Variants in PMM2 observed in about 807,000 individuals in gnomAD.
PMM2 encodes the protein mannose-6-phosphate isomerase.
Under a neutral mutation model 33.2 loss-of-function variants are expected in PMM2, and 35 were observed. That is an observed-to-expected ratio of 1.06 (90% CI 0.81 to 1.40). The LOEUF (loss-of-function observed/expected upper bound fraction) is 1.40, where lower values mean the gene tolerates loss of function less well. PMM2 is among the 40% of genes most tolerant of loss of function. The probability of loss-of-function intolerance (pLI) is 0.00; values close to 1 mark genes in which losing one functional copy is unlikely to be tolerated. For synonymous variants in PMM2, 153 were observed against 114.7 expected (o/e 1.33, Z -2.13); for missense variants, 386 against 306.0 (o/e 1.26, Z -1.95).
chr16:8,837,527 T>G (rs1175288717), intron 7 of PMM2, among the ~76,000 whole-genome samples: 11 of 136,026 alleles, frequency 8.1e-5, no homozygotes, highest in African/African-American at 1.7e-4. Flanking sequence ...GGAGAAGGGG[T>G]GGGGGGTTCT....
chr16:8,821,126 C>T (rs548811242), intron 7 of PMM2, among the ~76,000 whole-genome samples: 5 of 152,212 alleles, frequency 3.3e-5, no homozygotes, highest in African/African-American at 1.2e-4. Flanking sequence ...GATTTGAGAC[C>T]CAGGTCTTCT....
chr16:8,841,873 G>A (rs1415911033), intron 7 of PMM2, among the ~76,000 whole-genome samples: 1 of 150,122 alleles, frequency 6.7e-6, no homozygotes, highest in Non-Finnish European at 1.5e-5. Context: ...ACAGCTGAAG[G>A]AGCCGGGGAG....
chr16:8,823,483 A>C (rs2060749572), intron 7 of PMM2, among the ~76,000 whole-genome samples: 1 of 152,198 alleles, frequency 6.6e-6, no homozygotes, highest in African/African-American at 2.4e-5. Flanking sequence ...TATTTTTATT[A>C]AAGACAAACC....
At chr16:8,832,237 G>T (rs912491943) in intron 7 of PMM2, 100 of 985,312 alleles carry the variant, frequency 1.0e-4, no homozygotes, top group Non-Finnish European at 1.1e-4. Flanking sequence ...AGAAAGGAAG[G>T]CCTGAGGCAG....
chr16:8,814,944 A>T (rs1238597328), intron 7 of PMM2, among the ~76,000 whole-genome samples: 8 of 152,200 alleles, frequency 5.3e-5, no homozygotes. Context: ...TACACATCTT[A>T]CATAACTGAG....
At chr16:8,842,576 A>G (rs941946172) in intron 7 of PMM2, among the ~76,000 whole-genome samples, 1 of 152,208 alleles carries the variant, frequency 6.6e-6, no homozygotes, top group Admixed American at 6.5e-5. Flanking sequence ...AGCATCTTTA[A>G]GATCAAGTGT....
intron 7 of PMM2, among the ~76,000 whole-genome samples, chr16:8,834,285 G>A (rs934203419): frequency 1.2e-4 from 19 of 152,210 alleles, no homozygotes; most frequent in African/African-American, 3.4e-4. Flanking sequence ...GGACTGTAAG[G>A]GATATGAAGG....
intron 7 of PMM2, among the ~76,000 whole-genome samples, chr16:8,844,101 A>T (rs528760014): frequency 3.9e-5 from 6 of 152,182 alleles, no homozygotes; most frequent in Admixed American, 3.9e-4. Flanking sequence ...AGGATGGAAA[A>T]ATTGAAAGTG....
chr16:8,832,855 G>C, intron 7 of PMM2: 1 of 985,394 alleles, frequency 1.0e-6, no homozygotes, highest in Non-Finnish European at 1.2e-6. Context: ...CACATGGCCT[G>C]TGCCCTCACG....
At chr16:8,831,858 C>T (rs1334032222) in intron 7 of PMM2, among the ~76,000 whole-genome samples, 16 of 152,148 alleles carry the variant, frequency 1.1e-4, no homozygotes, top group Admixed American at 8.5e-4. Flanking sequence ...TGAGCCCTGG[C>T]CTCTCTTTGG....
rs927856625 is a variant in PMM2, at chr16:8,838,277, G to A, written c.640-9447G>A. ...GGGGCAGAAACAAATCACAATGGTG[G>A]AATGTCATCAGCTAAGGCTATTTTT... On this transcript the variant is annotated intron_variant, in intron 7 of 7. Transcript: ENST00000268261. Among the ~76,000 whole-genome samples the A allele has an allele frequency of 2.0e-5, 3 of 152,080 alleles. 1 individual carries two copies. Among genetic ancestry groups the A allele is most frequent in the Non-Finnish European group, 4.4e-5 (3 of 68,008 alleles).
chr16:8,837,429 G>C (rs1328464055), intron 7 of PMM2, among the ~76,000 whole-genome samples: 2 of 151,828 alleles, frequency 1.3e-5, no homozygotes, highest in African/African-American at 4.8e-5. Flanking sequence ...AAGTTCTTAA[G>C]AACACAGGCT....
Position 8,848,070 on chromosome 16 carries a change from C to G in PMM2, c.*245C>G. 3.8e-6 allele frequency: 2 copies of G among 531,876 alleles called. No individual in the cohort carries two copies. The highest frequency in any genetic ancestry group is 3.1e-5 in the Admixed American group (1 of 31,992). 32.9% of individuals were successfully genotyped at this position (531,876 alleles called of 1,614,324 possible). ...CACAAAAGGTCTTCCCCACCCACCC[C>G]CAGCCCCCTAGTCTAATACCCACCC... On this transcript the variant is annotated 3_prime_UTR_variant, in exon 8 of 8. Coordinates refer to ENST00000268261, the MANE Select transcript of PMM2 (RefSeq NM_000303.3).
chr16:8,837,043 A>C (rs2060853353), intron 7 of PMM2, among the ~76,000 whole-genome samples: 1 of 151,882 alleles, frequency 6.6e-6, no homozygotes, highest in African/African-American at 2.4e-5. Flanking sequence ...AAGAATTGGA[A>C]CCTAGCTCAG....
intron 7 of PMM2, 87 bp downstream of exon 7, chr16:8,813,193 A>G: frequency 1.1e-6 from 1 of 880,522 alleles, no homozygotes; most frequent in Non-Finnish European, 2.0e-6. Context: ...TCCTGTACCT[A>G]CACTTTACCC....
In PMM2 at chr16:8,828,025, C is replaced by CTTTTT. The variant is rs71153002; in HGVS notation, c.639+14936_639+14940dup. 1.6e-3 allele frequency among the ~76,000 whole-genome samples: 105 copies of CTTTTT among 66,350 alleles called. 2 individuals are homozygous for CTTTTT. The highest frequency in any genetic ancestry group is 2.1e-3 in the African/African-American group (34 of 16,404). 43.5% of individuals were successfully genotyped at this position (66,350 alleles called of 152,430 possible). A position where few individuals can be genotyped will look rare whatever the true frequency, so the allele number is the denominator to read the frequency against. ...TTAAGCAGATTTTAACTGTAGAACTCTTTTTTTTTTTTTTTTTTTTTACAA... is the reference window on the plus strand; with the variant it reads ...TTAAGCAGATTTTAACTGTAGAACTCTTTTTTTTTTTTTTTTTTTTTTTTTTACAA... On this transcript the variant is annotated intron_variant, in intron 7 of 7. Transcript: ENST00000268261.
chr16:8,806,314 A>G lies in PMM2; in HGVS notation c.256-2A>G, dbSNP rs1057516372. 1.9e-6 allele frequency: 3 copies of G among 1,560,144 alleles called. No homozygotes were observed. Among genetic ancestry groups the G allele is most frequent in the South Asian group, 1.1e-5 (1 of 89,996 alleles). On this transcript the variant is annotated splice_acceptor_variant, in intron 3 of 7. Coordinates refer to ENST00000268261, the MANE Select transcript of PMM2 (RefSeq NM_000303.3). LOFTEE classifies it high-confidence loss of function. ...AGTAACTCAAGTATTTTCTTCATCTAGAATATTCAAAGTCATCTGGGTGAG... is the reference window on the plus strand; with the variant it reads ...AGTAACTCAAGTATTTTCTTCATCTGGAATATTCAAAGTCATCTGGGTGAG...
At chr16:8,806,434 TC>T in intron 4 of PMM2, 27 bp downstream of exon 4, 1 of 1,389,940 alleles carries the variant, frequency 7.2e-7, no homozygotes, top group East Asian at 2.3e-5. Flanking sequence ...CAAAGAGGCG[TC>T]ACAGGAACAT....
At chr16:8,811,041 G>T (rs1430877918) in intron 4 of PMM2, 38 bp from the exon 5 acceptor site, 3 of 1,231,752 alleles carry the variant, frequency 2.4e-6, no homozygotes, top group African/African-American at 1.5e-5. Flanking sequence ...AATGAATAAC[G>T]TGTTTTTGGA....
Sources: allele counts gnomAD v4.1 joint callset (sites outside exome capture counted in the v4.1 genomes callset), GRCh38; gene constraint gnomAD v4.1.1; transcripts MANE v1.5; gene names NCBI Gene and HGNC (gene_info 2026-07-23, HGNC 2026-07-21).